Variants in TMEM117 observed in about 807,000 individuals in gnomAD.
The protein encoded by TMEM117 is transmembrane protein 117.
TMEM117 carries 27 observed loss-of-function variants against 52.4 expected under a neutral mutation model. The ratio of observed to expected loss-of-function variants is 0.51; its 90% CI spans 0.38 to 0.71. The LOEUF is 0.71. TMEM117 is among the 30% of genes least tolerant of loss of function. The pLI is 0.00. For missense variants in TMEM117, 556 were observed against 630.5 expected (o/e 0.88, Z 1.26); for synonymous variants, 215 against 206.3 (o/e 1.04, Z -0.36).
intron 5 of TMEM117, among the ~76,000 whole-genome samples, chr12:44,291,374 G>GTTTTTTTTTT (rs1185340451): frequency 1.4e-5 from 1 of 71,454 alleles, no homozygotes; most frequent in Non-Finnish European, 2.8e-5. Flanking sequence ...AGTTCTAACA[G>GTTTTTTTTTT]TTTTTTTTTT....
At chr12:44,345,834 G>A (rs1036331559) in intron 6 of TMEM117, among the ~76,000 whole-genome samples, 2 of 152,036 alleles carry the variant, frequency 1.3e-5, no homozygotes, top group Admixed American at 1.3e-4. Context: ...GAGCCCTGGA[G>A]CTATTAGATT....
At chr12:44,245,068 A>G (rs1204541716) in intron 5 of TMEM117, among the ~76,000 whole-genome samples, 1 of 152,020 alleles carries the variant, frequency 6.6e-6, no homozygotes, top group Admixed American at 6.6e-5. Context: ...TTATGTTAGT[A>G]TCATGCTATT....
intron 2 of TMEM117, among the ~76,000 whole-genome samples, chr12:43,853,739 G>A (rs1317340934): frequency 6.6e-6 from 1 of 152,110 alleles, no homozygotes; most frequent in Non-Finnish European, 1.5e-5. Flanking sequence ...AATGTGTATC[G>A]AGTATCAAAT....
At chr12:44,143,479 A>G (rs1948597792) in intron 3 of TMEM117, 46 bp from the exon 4 acceptor site, 1 of 1,476,646 alleles carries the variant, frequency 6.8e-7, no homozygotes, top group South Asian at 1.2e-5. Context: ...CCTTAACTGT[A>G]TGACTCTCTG....
intron 4 of TMEM117, among the ~76,000 whole-genome samples, chr12:44,153,463 G>A (rs1419259592): frequency 6.6e-6 from 1 of 151,858 alleles, no homozygotes; most frequent in Non-Finnish European, 1.5e-5. Context: ...ATCAGATGGG[G>A]GAAGTGAGTA....
intron 5 of TMEM117, among the ~76,000 whole-genome samples, chr12:44,277,219 A>T (rs1950525184): frequency 6.6e-6 from 1 of 152,010 alleles, no homozygotes; most frequent in African/African-American, 2.4e-5. Flanking sequence ...GCCGAGGTTT[A>T]TTTTCCAGTT....
chr12:43,960,650 G>A (rs1024584178), intron 3 of TMEM117, among the ~76,000 whole-genome samples: 2 of 152,086 alleles, frequency 1.3e-5, no homozygotes, highest in Non-Finnish European at 2.9e-5. Flanking sequence ...CGTTATTCAT[G>A]GTTGTTTACT....
chr12:43,875,296 G>C (rs997298080), intron 2 of TMEM117, among the ~76,000 whole-genome samples: 9 of 151,950 alleles, frequency 5.9e-5, no homozygotes, highest in African/African-American at 1.7e-4. Flanking sequence ...AAGTAGAAAG[G>C]GTTGTGCTAA....
At chr12:44,213,880 C>T (rs1949679558) in intron 5 of TMEM117, among the ~76,000 whole-genome samples, 1 of 152,138 alleles carries the variant, frequency 6.6e-6, no homozygotes, top group African/African-American at 2.4e-5. Flanking sequence ...TATTTCTTCA[C>T]AGCAGCATGA....
intron 3 of TMEM117, among the ~76,000 whole-genome samples, chr12:44,116,182 C>T (rs2138122633): frequency 6.6e-6 from 1 of 152,240 alleles, no homozygotes; most frequent in Admixed American, 6.5e-5. Flanking sequence ...CATTTCATTT[C>T]TTGAATTTCT....
At chr12:44,119,859 T>A (rs1391929590) in intron 3 of TMEM117, among the ~76,000 whole-genome samples, 1 of 152,152 alleles carries the variant, frequency 6.6e-6, no homozygotes, top group East Asian at 1.9e-4. Flanking sequence ...TAACCAGGGT[T>A]GAGAATGAGT....
intron 3 of TMEM117, among the ~76,000 whole-genome samples, chr12:44,078,809 A>G (rs1213084142): frequency 2.6e-5 from 4 of 152,004 alleles, no homozygotes; most frequent in Non-Finnish European, 4.4e-5. Context: ...TGCTGCAGCC[A>G]TCAACCCATC....
At chr12:43,804,427 A>G in the TMEM117 span, 1 of 965,718 alleles carries the variant, frequency 1.0e-6, no homozygotes, top group South Asian at 1.4e-5. Context: ...CTGACAACAC[A>G]CAGTAAGTTT....
the TMEM117 span, among the ~76,000 whole-genome samples, chr12:43,806,625 A>G: frequency 6.6e-6 from 1 of 152,170 alleles, no homozygotes; most frequent in East Asian, 1.9e-4. Flanking sequence ...AGGGGTGCTC[A>G]AAAACGGAAG....
chr12:43,897,515 G>T (rs1944226228), intron 2 of TMEM117, among the ~76,000 whole-genome samples: 2 of 151,926 alleles, frequency 1.3e-5, no homozygotes, highest in Admixed American at 1.3e-4. Context: ...GTTTCACCAT[G>T]TTGGCCAGGA....
At chr12:44,214,551 A>G (rs2138408648) in intron 5 of TMEM117, among the ~76,000 whole-genome samples, 1 of 152,298 alleles carries the variant, frequency 6.6e-6, no homozygotes, top group African/African-American at 2.4e-5. Context: ...AAAAATGATA[A>G]TTTAATTAGT....
intron 4 of TMEM117, among the ~76,000 whole-genome samples, chr12:44,153,425 A>G (rs1334627377): frequency 1.3e-5 from 2 of 151,982 alleles, no homozygotes; most frequent in Non-Finnish European, 2.9e-5. Context: ...TTCTGCTTAC[A>G]TGTCAATTGA....
At chr12:44,157,483 C>A (rs758975509) in intron 4 of TMEM117, among the ~76,000 whole-genome samples, 1 of 152,068 alleles carries the variant, frequency 6.6e-6, no homozygotes, top group Non-Finnish European at 1.5e-5. Flanking sequence ...ATTTTAACAT[C>A]TTTTTATTGT....
intron 6 of TMEM117, among the ~76,000 whole-genome samples, chr12:44,353,490 G>A (rs1245604243): frequency 6.6e-6 from 1 of 151,316 alleles, no homozygotes; most frequent in Non-Finnish European, 1.5e-5. Flanking sequence ...GTAAGGAAGG[G>A]ATCCAGTTTC....
Sources: gnomAD v4.1 joint callset for allele counts (sites outside exome capture counted in the v4.1 genomes callset) on GRCh38, gnomAD v4.1.1 for gene constraint, MANE v1.5 for transcripts, NCBI Gene and HGNC (gene_info 2026-07-23, HGNC 2026-07-21) for gene names.